The following LRGUK variants were observed in gnomAD, a reference collection of about 807,000 sequenced individuals.
LRGUK encodes the protein leucine-rich repeat and guanylate kinase domain-containing protein.
A neutral mutation model predicts 76.0 loss-of-function variants in LRGUK; 65 were observed. The observed-to-expected ratio is 0.85, with a 90% CI of 0.70 to 1.05. The LOEUF (loss-of-function observed/expected upper bound fraction) is 1.05, where lower values mean the gene tolerates loss of function less well. Among genes scored for constraint, LRGUK ranks in the 50% least tolerant of loss-of-function variants. The pLI is 0.00. For missense variants in LRGUK, 758 were observed against 732.8 expected, an observed-to-expected ratio of 1.03 and a Z score of -0.40; for synonymous variants, 268 against 265.6, an observed-to-expected ratio of 1.01 and a Z score of -0.09.
Position 134,197,034 on chromosome 7 carries a change from G to T in LRGUK, c.1474G>T (p.Gly492Ter). 2 of 1,610,786 alleles carry T rather than the reference G, an allele frequency of 1.2e-6. No homozygotes were observed. The highest frequency in any genetic ancestry group is 2.7e-5 in the African/African-American group (2 of 74,902). The change falls in exon 13 of 16, where the codon GGA (glycine) becomes TGA (stop). Residue 492 changes from glycine (G) to a stop codon, truncating the protein, a stop_gained. Coordinates refer to ENST00000645682, the Ensembl canonical transcript of LRGUK. LOFTEE classifies it high-confidence loss of function. ...ATTTAGTTATGGTAATCACAAGTATGGATTAAATAGGGACACCGTAGAAGG... is the reference window on the plus strand; with the variant it reads ...ATTTAGTTATGGTAATCACAAGTATTGATTAAATAGGGACACCGTAGAAGG...
At chr7:134,149,109 A>T (rs967450924) in intron 5 of LRGUK, among the ~76,000 whole-genome samples, 2 of 46,954 alleles carry the variant, frequency 4.3e-5, no homozygotes, top group African/African-American at 1.2e-4. Flanking sequence ...TTCTTTTTTT[A>T]AAAAAAAAAA....
At chr7:134,198,839 A>G (rs529956722) in intron 13 of LRGUK, among the ~76,000 whole-genome samples, 1 of 152,352 alleles carries the variant, frequency 6.6e-6, no homozygotes, top group South Asian at 2.1e-4. Flanking sequence ...TAAGATCTCT[A>G]TCTCCTGGTG....
intron 19 of LRGUK, among the ~76,000 whole-genome samples, chr7:134,262,586 A>C (rs748031135): frequency 2.0e-5 from 3 of 151,454 alleles, no homozygotes; most frequent in Non-Finnish European, 4.4e-5. Flanking sequence ...AAGGAGGCCT[A>C]CTCCTCTACC....
intron 18 of LRGUK, 146 bp from the exon 19 acceptor site, chr7:134,258,111 T>C: frequency 2.1e-6 from 2 of 951,678 alleles, no homozygotes; most frequent in South Asian, 1.6e-5. Context: ...TAGACACTGT[T>C]GAACACTAGC....
chr7:134,176,034 C>A (rs1363591809), intron 8 of LRGUK, among the ~76,000 whole-genome samples: 1 of 152,120 alleles, frequency 6.6e-6, no homozygotes, highest in Non-Finnish European at 1.5e-5. Context: ...GCCACGGGAT[C>A]TTAGATGAGA....
At chr7:134,227,760 TGA>T (rs1417468484) in intron 16 of LRGUK, among the ~76,000 whole-genome samples, 6 of 152,258 alleles carry the variant, frequency 3.9e-5, no homozygotes, top group African/African-American at 1.4e-4. Context: ...AAACAGTAAC[TGA>T]AATTGATACC....
chr7:134,173,900 G>A (rs1427744134), intron 7 of LRGUK, among the ~76,000 whole-genome samples: 3 of 152,088 alleles, frequency 2.0e-5, no homozygotes, highest in Non-Finnish European at 4.4e-5. Context: ...CACAAGGTCA[G>A]GAGATCAAGA....
chr7:134,135,737 G>C (rs2116815647), intron 1 of LRGUK, among the ~76,000 whole-genome samples: 1 of 152,280 alleles, frequency 6.6e-6, no homozygotes. Context: ...CTCACTGCAA[G>C]CTCTGCCTCC....
chr7:134,170,941 A>G (rs1287449949), intron 7 of LRGUK, among the ~76,000 whole-genome samples: 1 of 152,100 alleles, frequency 6.6e-6, no homozygotes, highest in Non-Finnish European at 1.5e-5. Context: ...ATCATCATCA[A>G]CTAGTTGATA....
At chr7:134,145,476 A>G (rs893657992) in intron 4 of LRGUK, among the ~76,000 whole-genome samples, 9 of 152,142 alleles carry the variant, frequency 5.9e-5, no homozygotes, top group Non-Finnish European at 1.2e-4. Context: ...GAAACTCCTG[A>G]TCTCAGCTGA....
intron 6 of LRGUK, among the ~76,000 whole-genome samples, chr7:134,160,125 C>T (rs1798659237): frequency 6.6e-6 from 1 of 152,074 alleles, no homozygotes; most frequent in Admixed American, 6.6e-5. Flanking sequence ...ATTGATGTTC[C>T]CATTCATTTA....
In LRGUK at chr7:134,204,232, A is replaced by G. The variant is rs559804569; in HGVS notation, c.1843+2656A>G. ...TATCTTTTCTTATTCTACAACTATC[A>G]AGAACACTGGCTATTGGGTGCAGTT... On this transcript the variant is annotated intron_variant, in intron 15 of 15. Transcript: ENST00000645682. 3.3e-5 allele frequency among the ~76,000 whole-genome samples: 5 copies of G among 152,302 alleles called. No homozygotes were observed. In the East Asian group the frequency reaches 9.6e-4, roughly 29 times the overall value.
chr7:134,161,411 G>A (rs1798726549), intron 6 of LRGUK, among the ~76,000 whole-genome samples: 1 of 151,776 alleles, frequency 6.6e-6, no homozygotes, highest in Non-Finnish European at 1.5e-5. Flanking sequence ...TGGATTATGG[G>A]TATTTTTTTC....
chr7:134,195,551 T>C (rs531981341), intron 12 of LRGUK, among the ~76,000 whole-genome samples: 3 of 152,276 alleles, frequency 2.0e-5, no homozygotes, highest in East Asian at 3.9e-4. Flanking sequence ...TTTTGTTCTA[T>C]TGAGGCCTTC....
chr7:134,233,099 G>T (rs898890734), intron 16 of LRGUK, among the ~76,000 whole-genome samples: 2 of 152,160 alleles, frequency 1.3e-5, no homozygotes, highest in African/African-American at 4.8e-5. Flanking sequence ...CAACACTCAT[G>T]TATAGGTTAC....
chr7:134,178,592 G>A (rs549871226), exon 10 of LRGUK: 52 of 1,611,548 alleles, frequency 3.2e-5, no homozygotes, highest in Non-Finnish European at 4.2e-5. Context: ...TGATGCAGCC[G>A]CAGAGGATCT....
intron 10 of LRGUK, among the ~76,000 whole-genome samples, chr7:134,181,038 G>A (rs1799718527): frequency 6.6e-6 from 1 of 152,100 alleles, no homozygotes; most frequent in African/African-American, 2.4e-5. Flanking sequence ...AAAACATACA[G>A]CCATCACATA....
At chr7:134,269,350 CT>C (rs71172445), downstream of LRGUK, among the ~76,000 whole-genome samples, 477 of 123,882 alleles carry the variant, frequency 3.9e-3, 1 homozygote, top group South Asian at 9.9e-3. Flanking sequence ...GATTTCAATT[CT>C]TTTTTTTTTT....
At chr7:134,154,491 G>C (rs147590766) in intron 5 of LRGUK, among the ~76,000 whole-genome samples, 1 of 152,164 alleles carries the variant, frequency 6.6e-6, no homozygotes, top group Admixed American at 6.5e-5. Flanking sequence ...TGAGGTGACT[G>C]TGGGAGCAAG....
Sources: allele counts gnomAD v4.1 joint callset (sites outside exome capture counted in the v4.1 genomes callset), GRCh38; gene constraint gnomAD v4.1.1; transcripts MANE v1.5; gene names NCBI Gene and HGNC (gene_info 2026-07-23, HGNC 2026-07-21).